SUGCT: variants seen among roughly 807,000 people sequenced by gnomAD.
SUGCT encodes the protein succinyl-CoA:glutarate CoA-transferase.
SUGCT carries 41 observed loss-of-function variants against 55.0 expected under a neutral mutation model. The observed-to-expected ratio is 0.74, with a 90% CI of 0.58 to 0.97. The LOEUF (loss-of-function observed/expected upper bound fraction) is 0.97. Among genes scored for constraint, SUGCT ranks in the 50% least tolerant of loss-of-function variants. The pLI is 0.00. For synonymous variants in SUGCT, 187 were observed against 200.4 expected, an observed-to-expected ratio of 0.93 and a Z score of 0.56; for missense variants, 568 against 547.8, an observed-to-expected ratio of 1.04 and a Z score of -0.37.
intron 12 of SUGCT, among the ~76,000 whole-genome samples, chr7:40,517,224 G>A (rs529140373): frequency 7.0e-6 from 1 of 143,738 alleles, no homozygotes; most frequent in African/African-American, 2.7e-5. Flanking sequence ...AGTTCCAGTA[G>A]CATTTTTTTT....
the SUGCT span, chr7:40,965,441 C>A: frequency 6.6e-6 from 1 of 152,106 alleles, no homozygotes; most frequent in South Asian, 2.1e-4. Context: ...TTACCTTCGT[C>A]AATTACTCTG....
the SUGCT span, among the ~76,000 whole-genome samples, chr7:40,900,443 CAT>C: frequency 1.3e-5 from 2 of 152,228 alleles, no homozygotes; most frequent in South Asian, 2.1e-4. Context: ...CCATAAAACA[CAT>C]AGTCATTCAA....
chr7:40,338,802 C>T (rs181496365), intron 9 of SUGCT, among the ~76,000 whole-genome samples: 184 of 152,312 alleles, frequency 1.2e-3, no homozygotes, highest in Non-Finnish European at 2.1e-3. Context: ...GAGCTGCATT[C>T]CTTTGTAGGG....
chr7:40,826,302 G>A (rs1040271732), intron 13 of SUGCT, among the ~76,000 whole-genome samples: 2 of 152,092 alleles, frequency 1.3e-5, no homozygotes, highest in African/African-American at 2.4e-5. Flanking sequence ...TAGTATTCAG[G>A]AAAATTACAC....
Position 40,860,326 on chromosome 7 carries a change from G to A in SUGCT, c.1164G>A (p.Val388=). The A allele has an allele frequency of 6.2e-7, 1 of 1,613,960 alleles. No individual in the cohort carries two copies. Among genetic ancestry groups the A allele is most frequent in the Non-Finnish European group, 8.5e-7 (1 of 1,179,860 alleles). Residue 388 remains valine (V), a synonymous_variant, in exon 14 of 14, where the codon GTG becomes GTA. Transcript: ENST00000335693. ...VGKISVPGPA[V]RYSKFKMSEA... ...CTTCTCCTTTGGCAGGCCCAGCTGT[G>A]AGATACAGTAAGTTCAAGATGTCAG... is the stretch of plus-strand genomic sequence containing the variant.
intron 9 of SUGCT, among the ~76,000 whole-genome samples, chr7:40,372,254 A>G (rs921931148): frequency 1.3e-5 from 2 of 152,062 alleles, no homozygotes; most frequent in Non-Finnish European, 2.9e-5. Context: ...TGTCTTTATT[A>G]GTCATCTGGA....
chr7:40,648,951 C>G (rs1292873354), intron 12 of SUGCT, among the ~76,000 whole-genome samples: 1 of 152,106 alleles, frequency 6.6e-6, no homozygotes, highest in Non-Finnish European at 1.5e-5. Context: ...CTCTAGGAAA[C>G]TAATATAATG....
the SUGCT span, among the ~76,000 whole-genome samples, chr7:40,972,058 T>A: frequency 1.3e-5 from 2 of 152,040 alleles, no homozygotes; most frequent in African/African-American, 4.8e-5. Context: ...TGCAGAAATT[T>A]TATATATATA....
chr7:40,154,011 T>C, intron 1 of SUGCT: 1 of 268,128 alleles, frequency 3.7e-6, no homozygotes, highest in Non-Finnish European at 7.5e-6. Context: ...TACCAAAGCA[T>C]TATCTGGCAT....
intron 12 of SUGCT, among the ~76,000 whole-genome samples, chr7:40,713,991 A>G (rs1369552903): frequency 6.6e-6 from 1 of 152,218 alleles, no homozygotes; most frequent in Non-Finnish European, 1.5e-5. Context: ...TTTAAACTTT[A>G]TGTCAGTTTC....
rs1481835569 is a variant in SUGCT at position 40,570,917 on chromosome 7, T to G, written c.1089+74531T>G. ...CTCTGTTGCCCAGGCTGGAGTGGAGTGGCATGATGTTGGCTTACTGCAACC... is the reference window on the plus strand; with the variant it reads ...CTCTGTTGCCCAGGCTGGAGTGGAGGGGCATGATGTTGGCTTACTGCAACC... On this transcript the variant is annotated intron_variant, in intron 12 of 13. Coordinates refer to ENST00000335693, the MANE Select transcript of SUGCT (RefSeq NM_001193313.2). 4.6e-5 allele frequency among the ~76,000 whole-genome samples: 6 copies of G among 129,876 alleles called. No homozygotes were observed. In the East Asian group the frequency reaches 1.5e-3, roughly 32 times the overall value. The allele number at this position is 129,876 out of a possible 152,430, so 85.2% of individuals were successfully genotyped here.
At chr7:40,779,976 T>G (rs1789652382) in intron 13 of SUGCT, among the ~76,000 whole-genome samples, 1 of 152,210 alleles carries the variant, frequency 6.6e-6, no homozygotes, top group African/African-American at 2.4e-5. Flanking sequence ...GCAAACTGTG[T>G]GGAAGCCATT....
chr7:40,258,014 G>A lies in SUGCT; in HGVS notation c.577-16499G>A, dbSNP rs369796900. Among the ~76,000 whole-genome samples the A allele has an allele frequency of 3.9e-5, 6 of 152,188 alleles. No homozygotes were observed. The East Asian group carries it at 9.6e-4, about 24-fold the overall frequency. On this transcript the variant is annotated intron_variant, in intron 7 of 13. Transcript: ENST00000335693. ...CACTTTCTGCAAACACTGAACCAGGGATGGTGTCCCAGGCTTCTTGCTGTC... is the reference window on the plus strand; with the variant it reads ...CACTTTCTGCAAACACTGAACCAGGAATGGTGTCCCAGGCTTCTTGCTGTC...
chr7:41,004,015 A>G, the SUGCT span, among the ~76,000 whole-genome samples: 1 of 152,038 alleles, frequency 6.6e-6, no homozygotes, highest in Non-Finnish European at 1.5e-5. Flanking sequence ...CTTGGGGTAC[A>G]TTTTCCAAGA....
chr7:40,577,865 C>G (rs1376640953), intron 12 of SUGCT, among the ~76,000 whole-genome samples: 1 of 152,128 alleles, frequency 6.6e-6, no homozygotes, highest in African/African-American at 2.4e-5. Flanking sequence ...AAACTATAAA[C>G]ATTTGTTTTA....
At chr7:40,552,110 AGT>A (rs531752406) in intron 12 of SUGCT, among the ~76,000 whole-genome samples, 90 of 152,300 alleles carry the variant, frequency 5.9e-4, no homozygotes, top group Non-Finnish European at 1.0e-3. Flanking sequence ...TTCCCTTAAC[AGT>A]GTGACAGGAA....
At chr7:40,503,434 T>G (rs960039434) in intron 12 of SUGCT, among the ~76,000 whole-genome samples, 2 of 152,112 alleles carry the variant, frequency 1.3e-5, no homozygotes, top group Non-Finnish European at 2.9e-5. Context: ...GCAAGCATTA[T>G]CATACATAAT....
chr7:40,649,619 A>G (rs1800679977), intron 12 of SUGCT, among the ~76,000 whole-genome samples: 1 of 151,988 alleles, frequency 6.6e-6, no homozygotes, highest in Non-Finnish European at 1.5e-5. Flanking sequence ...AGATAGATTG[A>G]TTGTTGGTTT....
Position 40,503,123 on chromosome 7 carries a change from G to T in SUGCT, c.1089+6737G>T, listed in dbSNP as rs534868440. Among the ~76,000 whole-genome samples the T allele has an allele frequency of 1.4e-4, 21 of 152,012 alleles. No homozygotes were observed. The South Asian group carries it at 3.7e-3, about 27-fold the overall frequency. On this transcript the variant is annotated intron_variant, in intron 12 of 13. Transcript: ENST00000335693. The stretch of plus-strand genomic sequence containing the variant: ...GCTTTCAGGCTTGGTTTTTTTGAGG[G>T]AGTTGAAAAGAAAAATCCGAGGCCT...
Sources: allele counts gnomAD v4.1 joint callset (sites outside exome capture counted in the v4.1 genomes callset), GRCh38; gene constraint gnomAD v4.1.1; transcripts MANE v1.5; gene names NCBI Gene and HGNC (gene_info 2026-07-23, HGNC 2026-07-21).